The following PIK3CB variants were observed in gnomAD, a reference collection of about 807,000 sequenced individuals.
PIK3CB encodes the protein phosphatidylinositol-4,5-bisphosphate 3-kinase catalytic subunit beta.
In PIK3CB, 39 loss-of-function variants were observed where a neutral mutation model predicts 136.8. The observed-to-expected ratio is 0.29, with a 90% CI of 0.22 to 0.37. PIK3CB has a LOEUF of 0.37. PIK3CB is among the 10% of genes least tolerant of loss of function. The pLI, the probability that PIK3CB is intolerant of heterozygous loss-of-function variation, is 1.00. For missense variants in PIK3CB, 868 were observed against 1,275.4 expected (o/e 0.68, Z 4.87); for synonymous variants, 428 against 436.6 (o/e 0.98, Z 0.25).
intron 21 of PIK3CB, 70 bp from the exon 22 acceptor site, chr3:138,657,905 A>G: frequency 1.4e-6 from 2 of 1,464,144 alleles, no homozygotes; most frequent in Non-Finnish European, 1.9e-6. Context: ...CAAAACCTCC[A>G]TAGTCCTAGA....
At chr3:138,676,962 T>C (rs917807932) in intron 19 of PIK3CB, among the ~76,000 whole-genome samples, 1 of 152,114 alleles carries the variant, frequency 6.6e-6, no homozygotes. Context: ...ACCACTGAAA[T>C]GTACACTCTA....
At chr3:138,742,848 C>T in intron 4 of PIK3CB, 67 bp from the exon 5 acceptor site, 2 of 864,052 alleles carry the variant, frequency 2.3e-6, no homozygotes, top group Non-Finnish European at 3.5e-6. Flanking sequence ...AGAAAGAATA[C>T]AAAGTATATT....
At chr3:138,745,833 C>T (rs757147555) in intron 4 of PIK3CB, among the ~76,000 whole-genome samples, 27 of 152,138 alleles carry the variant, frequency 1.8e-4, no homozygotes, top group Admixed American at 3.3e-4. Flanking sequence ...AACTAGTCTG[C>T]ATTTGCACAA....
At chr3:138,665,756 C>T (rs2043396320) in intron 19 of PIK3CB, among the ~76,000 whole-genome samples, 1 of 152,036 alleles carries the variant, frequency 6.6e-6, no homozygotes, top group Admixed American at 6.5e-5. Flanking sequence ...CTTTTTTTGA[C>T]ACAGGGTTTG....
intron 8 of PIK3CB, among the ~76,000 whole-genome samples, chr3:138,728,428 C>A (rs2044889420): frequency 6.6e-6 from 1 of 152,082 alleles, no homozygotes; most frequent in South Asian, 2.1e-4. Flanking sequence ...AAAAGGCTAA[C>A]ACATCTTGAC....
At chr3:138,705,167 A>AAAC (rs1559828536) in intron 11 of PIK3CB, among the ~76,000 whole-genome samples, 1 of 96,398 alleles carries the variant, frequency 1.0e-5, no homozygotes, top group Non-Finnish European at 2.1e-5. Flanking sequence ...AAAAAAAAAA[A>AAAC]AAAAAACAAA....
In PIK3CB at chr3:138,729,028, C is replaced by G. The variant is rs2044908297; in HGVS notation, c.1050+4333G>C. On this transcript the variant is annotated intron_variant, in intron 8 of 23. Coordinates refer to ENST00000674063, the MANE Select transcript of PIK3CB (RefSeq NM_006219.3). ...GGGCATAGTAGCTCACATCTGTAAT[C>G]CCAGCATTTTGGAAGGCTGAGGTGG... Among the ~76,000 whole-genome samples the G allele has an allele frequency of 2.0e-5, 3 of 152,056 alleles. No homozygotes were observed. In the South Asian group the frequency reaches 6.2e-4, roughly 32 times the overall value.
Position 138,696,318 on chromosome 3 carries a change from G to A in PIK3CB, c.1771-1411C>T, listed in dbSNP as rs904676118. On this transcript the variant is annotated intron_variant, in intron 13 of 23. Coordinates refer to ENST00000674063, the MANE Select transcript of PIK3CB (RefSeq NM_006219.3). The stretch of plus-strand genomic sequence containing the variant: ...CCAACTCAGCCTCCTGAGTAGCTAG[G>A]ACTACAGGAACACGCCACCATGCCC... Among the ~76,000 whole-genome samples the A allele has an allele frequency of 3.3e-5, 5 of 151,586 alleles. No individual in the cohort carries two copies. In the East Asian group the frequency reaches 9.7e-4, roughly 30 times the overall value.
chr3:138,711,296 C>T lies in PIK3CB; in HGVS notation c.1399+912G>A, dbSNP rs1394632081. On this transcript the variant is annotated intron_variant, in intron 10 of 23. Transcript: ENST00000674063. The stretch of plus-strand genomic sequence containing the variant: ...AAAATAAGAAATATATTCAGAAATA[C>T]GGCCAGGCGCGGTGGCTCACGCCTG... Among the ~76,000 whole-genome samples, 6 of 149,940 alleles carry T rather than the reference C, an allele frequency of 4.0e-5. No individual in the cohort carries two copies. In the South Asian group the frequency reaches 6.3e-4, roughly 16 times the overall value.
intron 1 of PIK3CB, among the ~76,000 whole-genome samples, chr3:138,833,842 T>A (rs1576440982): frequency 6.6e-6 from 1 of 152,156 alleles, no homozygotes; most frequent in African/African-American, 2.4e-5. Context: ...AATCCCGAAT[T>A]TGCTCGGTTT....
intron 2 of PIK3CB, among the ~76,000 whole-genome samples, chr3:138,788,592 G>A (rs2108807142): frequency 6.8e-6 from 1 of 146,608 alleles, no homozygotes; most frequent in East Asian, 2.1e-4. Context: ...GGGAGACTGA[G>A]GTTGCAGTGA....
chr3:138,683,398 CT>C (rs928556021), intron 18 of PIK3CB, among the ~76,000 whole-genome samples: 5 of 150,288 alleles, frequency 3.3e-5, no homozygotes, highest in Non-Finnish European at 5.9e-5. Context: ...ATTTCATAAG[CT>C]TTTTAATCAA....
chr3:138,830,174 A>G (rs1286442269), intron 1 of PIK3CB, among the ~76,000 whole-genome samples: 2 of 152,164 alleles, frequency 1.3e-5, no homozygotes, highest in Non-Finnish European at 2.9e-5. Context: ...CGAATATCCT[A>G]GAAGGTTCCT....
chr3:138,795,295 G>T (rs2046096675), intron 2 of PIK3CB, among the ~76,000 whole-genome samples: 1 of 145,986 alleles, frequency 6.8e-6, no homozygotes, highest in Admixed American at 7.1e-5. Flanking sequence ...ACTCCAGCCT[G>T]GGTGACAGAG....
intron 2 of PIK3CB, among the ~76,000 whole-genome samples, chr3:138,794,605 T>C (rs2046088472): frequency 6.6e-6 from 1 of 152,194 alleles, no homozygotes; most frequent in Non-Finnish European, 1.5e-5. Flanking sequence ...GGCCATTATA[T>C]ACTGAATACA....
At chr3:138,747,085 T>TAC (rs1559858893) in intron 4 of PIK3CB, among the ~76,000 whole-genome samples, 2 of 81,150 alleles carry the variant, frequency 2.5e-5, no homozygotes, top group African/African-American at 1.0e-4. Flanking sequence ...TATATATATA[T>TAC]ATATATATAT....
chr3:138,667,040 C>T (rs1459433007), intron 19 of PIK3CB, among the ~76,000 whole-genome samples: 1 of 151,866 alleles, frequency 6.6e-6, no homozygotes, highest in African/African-American at 2.4e-5. Context: ...GAAACCCTGT[C>T]TCTACTAAAA....
At chr3:138,811,240 CAAAAAAAAAA>C (rs558228212) in intron 1 of PIK3CB, among the ~76,000 whole-genome samples, 10 of 23,426 alleles carry the variant, frequency 4.3e-4, no homozygotes, top group Admixed American at 1.4e-3. Context: ...AAGACTCTGC[CAAAAAAAAAA>C]AAAAAAAAAA....
At chr3:138,784,888 A>G (rs1175911291) in intron 2 of PIK3CB, among the ~76,000 whole-genome samples, 2 of 145,836 alleles carry the variant, frequency 1.4e-5, no homozygotes, top group East Asian at 2.0e-4. Flanking sequence ...CTGGCCACCC[A>G]TGGTCTGGGA....
Sources: allele counts gnomAD v4.1 joint callset (sites outside exome capture counted in the v4.1 genomes callset), GRCh38; gene constraint gnomAD v4.1.1; transcripts MANE v1.5; gene names NCBI Gene and HGNC (gene_info 2026-07-23, HGNC 2026-07-21).